MAF: variants seen among roughly 807,000 people sequenced by gnomAD.
MAF encodes MAF bZIP transcription factor, also known as transcription factor Maf.
A neutral mutation model predicts 22.0 loss-of-function variants in MAF; 10 were observed. The observed-to-expected ratio is 0.45, with a 90% CI of 0.28 to 0.77. The LOEUF (loss-of-function observed/expected upper bound fraction) is 0.77, where lower values mean the gene tolerates loss of function less well. Ranked by LOEUF, MAF falls within the 30% of genes least tolerant of loss-of-function variation. The pLI is 0.12. For synonymous variants in MAF, 337 were observed against 255.8 expected (o/e 1.32, Z -3.03); for missense variants, 544 against 548.4 (o/e 0.99, Z 0.08).
At chr16:79,506,377 CAG>C in the MAF span, among the ~76,000 whole-genome samples, 2 of 152,130 alleles carry the variant, frequency 1.3e-5, no homozygotes, top group Non-Finnish European at 2.9e-5. Context: ...AGGGTTTGAA[CAG>C]AGAGTGGCTC....
chr16:79,569,262 T>C, the MAF span, among the ~76,000 whole-genome samples: 1 of 152,196 alleles, frequency 6.6e-6, no homozygotes, highest in African/African-American at 2.4e-5. Context: ...TCAACCTCAC[T>C]GGAGGCCAGT....
At chr16:79,511,105 C>T in the MAF span, among the ~76,000 whole-genome samples, 5 of 149,584 alleles carry the variant, frequency 3.3e-5, no homozygotes, top group African/African-American at 1.2e-4. Flanking sequence ...CGCACAATGG[C>T]GGGGTGGTGA....
chr16:79,365,423 A>G, the MAF span, among the ~76,000 whole-genome samples: 1 of 152,178 alleles, frequency 6.6e-6, no homozygotes, highest in Non-Finnish European at 1.5e-5. Flanking sequence ...TTACTGATGA[A>G]TTTCTGGAGC....
the MAF span, among the ~76,000 whole-genome samples, chr16:79,506,975 C>T: frequency 6.6e-6 from 1 of 152,166 alleles, no homozygotes; most frequent in African/African-American, 2.4e-5. Context: ...GTGCTCATTC[C>T]TTCTGTAAAC....
chr16:79,348,461 C>A, the MAF span, among the ~76,000 whole-genome samples: 1 of 152,146 alleles, frequency 6.6e-6, no homozygotes, highest in Non-Finnish European at 1.5e-5. Flanking sequence ...ATACAGTGTC[C>A]CTTCTGGGAC....
chr16:79,445,049 T>G, the MAF span, among the ~76,000 whole-genome samples: 51 of 152,258 alleles, frequency 3.3e-4, no homozygotes, highest in African/African-American at 1.0e-3. Flanking sequence ...ATTTATTTTT[T>G]TTGAGACGGA....
chr16:79,598,049 T>TA (rs34724349), intron 1 of MAF: 91,582 of 794,718 alleles, frequency 0.12, 1,786 homozygotes, highest in Middle Eastern at 0.15. Context: ...ATAACAATGC[T>TA]AAAAAAAAAA....
the MAF span, among the ~76,000 whole-genome samples, chr16:79,241,452 G>C: frequency 6.6e-6 from 1 of 152,004 alleles, no homozygotes; most frequent in Admixed American, 6.6e-5. Context: ...AGATACTGAA[G>C]ATTAACTTAC....
At chr16:79,478,011 G>A in the MAF span, among the ~76,000 whole-genome samples, 9 of 152,282 alleles carry the variant, frequency 5.9e-5, no homozygotes, top group East Asian at 1.5e-3. Flanking sequence ...GTGAGCCACT[G>A]CGCCTGGCCG....
At chr16:79,550,723 T>G in the MAF span, among the ~76,000 whole-genome samples, 1 of 152,222 alleles carries the variant, frequency 6.6e-6, no homozygotes, top group Admixed American at 6.5e-5. Flanking sequence ...TTGGGTATGG[T>G]AGGATTTTGC....
the MAF span, among the ~76,000 whole-genome samples, chr16:79,223,864 A>G: frequency 1.3e-5 from 2 of 152,204 alleles, no homozygotes; most frequent in Admixed American, 6.5e-5. Context: ...TGAGGGAGTA[A>G]TTAATAGCCT....
chr16:79,333,717 G>A, the MAF span, among the ~76,000 whole-genome samples: 5 of 152,100 alleles, frequency 3.3e-5, no homozygotes, highest in African/African-American at 1.2e-4. Flanking sequence ...CACCACACGC[G>A]GAAACCTATC....
the MAF span, among the ~76,000 whole-genome samples, chr16:79,421,638 ATTTT>A: frequency 6.9e-6 from 1 of 144,774 alleles, no homozygotes; most frequent in Admixed American, 6.8e-5. Flanking sequence ...AAGAAAAGTG[ATTTT>A]TTTTTTTTTT....
chr16:79,307,522 C>T, the MAF span, among the ~76,000 whole-genome samples: 1 of 152,356 alleles, frequency 6.6e-6, no homozygotes, highest in African/African-American at 2.4e-5. Context: ...ATACCCCACA[C>T]ACATCCAATC....
At chr16:79,297,246 A>AT in the MAF span, among the ~76,000 whole-genome samples, 1 of 152,132 alleles carries the variant, frequency 6.6e-6, no homozygotes, top group Non-Finnish European at 1.5e-5. Flanking sequence ...CTTTGGAGGA[A>AT]TTTTTTCTTG....
At chr16:79,360,928 T>C in the MAF span, among the ~76,000 whole-genome samples, 1 of 152,164 alleles carries the variant, frequency 6.6e-6, no homozygotes, top group Non-Finnish European at 1.5e-5. Context: ...GGACTTTGTG[T>C]TGTTAGCTGG....
At chr16:79,397,361 G>A in the MAF span, among the ~76,000 whole-genome samples, 1 of 152,184 alleles carries the variant, frequency 6.6e-6, no homozygotes, top group African/African-American at 2.4e-5. Flanking sequence ...CAGAGCATAT[G>A]TCTTACTCTG....
chr16:79,230,105 A>T, the MAF span, among the ~76,000 whole-genome samples: 1 of 152,140 alleles, frequency 6.6e-6, no homozygotes, highest in Non-Finnish European at 1.5e-5. Flanking sequence ...CAGGTTGTAA[A>T]CACATACATG....
At chr16:79,489,251 A>G in the MAF span, among the ~76,000 whole-genome samples, 1 of 151,962 alleles carries the variant, frequency 6.6e-6, no homozygotes, top group Non-Finnish European at 1.5e-5. Context: ...TCATCCATCT[A>G]TTTATCCAGC....
Sources: gnomAD v4.1 joint callset for allele counts (sites outside exome capture counted in the v4.1 genomes callset) on GRCh38, gnomAD v4.1.1 for gene constraint, MANE v1.5 for transcripts, NCBI Gene and HGNC (gene_info 2026-07-23, HGNC 2026-07-21) for gene names.